The following ESPNL variants were observed in gnomAD, a reference collection of about 807,000 sequenced individuals.
ESPNL encodes the protein espin like.
ESPNL carries 49 observed loss-of-function variants against 46.8 expected under a neutral mutation model. The ratio of observed to expected loss-of-function variants is 1.05; its 90% CI spans 0.83 to 1.33. ESPNL has a LOEUF of 1.33. ESPNL is among the 40% of genes most tolerant of loss of function. ESPNL has a pLI of 0.00. For synonymous variants in ESPNL, 664 were observed against 662.1 expected, an observed-to-expected ratio of 1.00 and a Z score of -0.04; for missense variants, 1,540 against 1,436.6, an observed-to-expected ratio of 1.07 and a Z score of -1.16.
intron 6 of ESPNL, chr2:238,127,413 T>C: frequency 7.5e-7 from 1 of 1,325,274 alleles, no homozygotes; most frequent in Non-Finnish European, 9.6e-7. Flanking sequence ...GGCTCTCCCA[T>C]CGACCAGGCG....
rs1036699908 is a variant in ESPNL, at chr2:238,128,842, C to A, written c.1351C>A (p.Arg451=). 2.6e-6 allele frequency: 4 copies of A among 1,549,250 alleles called. No individual in the cohort carries two copies. In the Admixed American group the frequency reaches 5.9e-5, roughly 23 times the overall value. ...ERGQPIPEWK[R]QVMVRKLQAR... Reference sequence around the variant, plus strand: ...CGGCCAGCCCATCCCAGAGTGGAAGCGGCAGGTGATGGTGCGGAAGCTGCA... The same window carrying A: ...CGGCCAGCCCATCCCAGAGTGGAAGAGGCAGGTGATGGTGCGGAAGCTGCA... The change falls in exon 8 of 9, where the codon CGG becomes AGG. Residue 451 remains arginine (R), a synonymous_variant. Coordinates refer to ENST00000343063, the MANE Select transcript of ESPNL (RefSeq NM_194312.4).
intron 4 of ESPNL, 94 bp from the exon 5 acceptor site, chr2:238,116,809 C>A: frequency 6.8e-7 from 1 of 1,471,546 alleles, no homozygotes; most frequent in Admixed American, 1.9e-5. Flanking sequence ...GGGCAGCCTG[C>A]GCCATGGGGC....
chr2:238,104,758 T>C lies in ESPNL; in HGVS notation c.588T>C (p.Ala196=). ...LAQFLVKDCG[A]DVHLRALDGM... ...AGTTCCTGGTGAAGGACTGTGGCGC[T>C]GACGTGCACCTTCGTGCTCTCGATG... The change falls in exon 3 of 9, where the codon GCT becomes GCC. Residue 196 remains alanine, a synonymous_variant. Coordinates refer to ENST00000343063, the MANE Select transcript of ESPNL (RefSeq NM_194312.4). 2 of 1,606,014 alleles carry C rather than the reference T, an allele frequency of 1.2e-6. No homozygotes were observed. Among genetic ancestry groups the C allele is most frequent in the South Asian group, 1.1e-5 (1 of 90,174 alleles).
In ESPNL at chr2:238,128,901, C is replaced by T. The variant is rs1466254424; in HGVS notation, c.1410C>T (p.Ala470=). 1.4e-5 allele frequency: 22 copies of T among 1,537,714 alleles called. No individual in the cohort carries two copies. The highest frequency in any genetic ancestry group is 2.5e-5 in the East Asian group (1 of 40,768). The part of the protein sequence containing the change: ...ARLGAESSAE[A]QDNGGSSGPT... ...TGGGCGCAGAGAGCTCCGCAGAGGC[C>T]CAGGTAGGCCCCCGGCAGGGGCGGG... Residue 470 remains alanine (A), a synonymous_variant, in exon 8 of 9, where the codon GCC becomes GCT. Coordinates refer to ENST00000343063, the MANE Select transcript of ESPNL (RefSeq NM_194312.4).
intron 2 of ESPNL, among the ~76,000 whole-genome samples, chr2:238,103,639 C>T (rs919564735): frequency 3.3e-5 from 5 of 152,174 alleles, no homozygotes; most frequent in South Asian, 2.1e-4. Flanking sequence ...CCAGCCACCG[C>T]GCTGGACACC....
At chr2:238,101,876 C>T in intron 1 of ESPNL, 65 bp from the exon 2 acceptor site, 2 of 1,290,690 alleles carry the variant, frequency 1.5e-6, no homozygotes, top group Admixed American at 2.0e-5. Context: ...CAGGGCCCAC[C>T]TCCGGCAGCT....
At chr2:238,129,071 C>T in intron 8 of ESPNL, 167 bp downstream of exon 8, 1 of 1,429,634 alleles carries the variant, frequency 7.0e-7, no homozygotes, top group Non-Finnish European at 9.1e-7. Context: ...GTGAACCTGA[C>T]CAGAGGACTC....
Position 238,119,440 on chromosome 2 carries a change from G to A in ESPNL, c.987+2406G>A, listed in dbSNP as rs116331673. On this transcript the variant is annotated intron_variant, in intron 5 of 8. Transcript: ENST00000343063. Reference sequence around the variant, plus strand: ...GAGGAGGGTAGATGGAGGAGGGGAGGTGGAGGAGAGGAGGTTAGATGAAGG... The same window carrying A: ...GAGGAGGGTAGATGGAGGAGGGGAGATGGAGGAGAGGAGGTTAGATGAAGG... Among the ~76,000 whole-genome samples, 788 of 107,058 alleles carry A rather than the reference G, an allele frequency of 7.4e-3. 44 individuals are homozygous for A. Among genetic ancestry groups the A allele is most frequent in the African/African-American group, 0.028 (704 of 25,090 alleles). 70.2% of individuals were successfully genotyped at this position (107,058 alleles called of 152,430 possible).
At chr2:238,119,826 G>A (rs533850904) in intron 5 of ESPNL, among the ~76,000 whole-genome samples, 1 of 152,010 alleles carries the variant, frequency 6.6e-6, no homozygotes, top group South Asian at 2.1e-4. Context: ...CCTCTTCTCT[G>A]ATGTGTCCCC....
intron 5 of ESPNL, among the ~76,000 whole-genome samples, chr2:238,119,316 T>TTGGATGGAGGAGGTGGATGGAGGAGGG (rs1691920609): frequency 3.2e-5 from 3 of 93,908 alleles, no homozygotes; most frequent in Admixed American, 1.0e-4. Context: ...GATGAAGGAG[T>TTGGATGGAGGAGGTGGATGGAGGAGGG]TGGATGGAGG....
chr2:238,109,045 C>G (rs1211560228), intron 4 of ESPNL, among the ~76,000 whole-genome samples: 1 of 152,172 alleles, frequency 6.6e-6, no homozygotes, highest in Non-Finnish European at 1.5e-5. Context: ...AGCTCTGTCT[C>G]CCCAGTCTCT....
intron 3 of ESPNL, among the ~76,000 whole-genome samples, chr2:238,106,832 G>C (rs1691609319): frequency 6.6e-6 from 1 of 152,142 alleles, no homozygotes; most frequent in African/African-American, 2.4e-5. Flanking sequence ...GGCCAGAGAG[G>C]CCACTCCAGA....
chr2:238,109,818 A>ATATGT, intron 4 of ESPNL, among the ~76,000 whole-genome samples: 1 of 152,194 alleles, frequency 6.6e-6, no homozygotes, highest in African/African-American at 2.4e-5. Flanking sequence ...TTAGGATGCC[A>ATATGT]TACGTTACCG....
In ESPNL at chr2:238,130,541, C is replaced by T. The variant is rs765303012; in HGVS notation, c.1827C>T (p.Gly609=). 12 of 1,591,336 alleles carry T rather than the reference C, an allele frequency of 7.5e-6. No individual in the cohort carries two copies. Among genetic ancestry groups the T allele is most frequent in the Admixed American group, 7.1e-5 (4 of 56,348 alleles). Residue 609 remains glycine, a synonymous_variant, in exon 9 of 9, where the codon GGC becomes GGT. Transcript: ENST00000343063. ...LVRSLSLLLK[G]VHGLVQGDEK... ...GCAGCCTGTCCCTGCTGCTGAAGGG[C>T]GTGCATGGGCTAGTACAGGGGGATG...
chr2:238,106,240 G>T (rs1298399867), intron 3 of ESPNL, among the ~76,000 whole-genome samples: 1 of 151,486 alleles, frequency 6.6e-6, no homozygotes, highest in African/African-American at 2.4e-5. Context: ...GAAGCAATGG[G>T]TGGGCAAGTG....
At chr2:238,106,200 G>C (rs1691595290) in intron 3 of ESPNL, among the ~76,000 whole-genome samples, 1 of 152,242 alleles carries the variant, frequency 6.6e-6, no homozygotes. Flanking sequence ...CCCGCACCTG[G>C]CACGCAGTCA....
chr2:238,100,909 C>T (rs1472390855), intron 1 of ESPNL, among the ~76,000 whole-genome samples, 196 bp downstream of exon 1: 1 of 152,236 alleles, frequency 6.6e-6, no homozygotes, highest in East Asian at 1.9e-4. Context: ...GAGCCAAGAA[C>T]ACCTCCTAAA....
At chr2:238,120,117 T>A (rs1691954008) in intron 5 of ESPNL, among the ~76,000 whole-genome samples, 1 of 151,974 alleles carries the variant, frequency 6.6e-6, no homozygotes. Context: ...GTCCAGCGGG[T>A]CCTGGTTCAG....
chr2:238,112,488 A>AT (rs34735874), intron 4 of ESPNL, among the ~76,000 whole-genome samples: 128,638 of 152,098 alleles, frequency 0.85, 54,516 homozygotes, highest in African/African-American at 0.86. Flanking sequence ...TCCAAAAAGC[A>AT]TTAATTGTCT....
Sources: allele counts gnomAD v4.1 joint callset (sites outside exome capture counted in the v4.1 genomes callset), GRCh38; gene constraint gnomAD v4.1.1; transcripts MANE v1.5; gene names NCBI Gene and HGNC (gene_info 2026-07-23, HGNC 2026-07-21).